The following TAFA4 variants were observed in gnomAD, a reference collection of about 807,000 sequenced individuals.
The protein encoded by TAFA4 is TAFA chemokine like family member 4.
TAFA4 carries 20 observed loss-of-function variants against 21.1 expected under a neutral mutation model. That is an observed-to-expected ratio of 0.95 (90% CI 0.67 to 1.38). The LOEUF (loss-of-function observed/expected upper bound fraction) is 1.38, where lower values mean the gene tolerates loss of function less well. Ranked by LOEUF, TAFA4 falls within the 40% of genes most tolerant of loss-of-function variation. TAFA4 has a pLI of 0.00. For missense variants in TAFA4, 211 were observed against 180.9 expected, an observed-to-expected ratio of 1.17 and a Z score of -0.95; for synonymous variants, 71 against 67.4, an observed-to-expected ratio of 1.05 and a Z score of -0.26.
intron 3 of TAFA4, among the ~76,000 whole-genome samples, chr3:68,825,192 T>C (rs553375232): frequency 1.3e-5 from 2 of 152,318 alleles, no homozygotes; most frequent in East Asian, 3.9e-4. Flanking sequence ...CTTCTCATTG[T>C]TCATCTCCCA....
At chr3:68,743,452 T>G (rs899246668) in intron 4 of TAFA4, among the ~76,000 whole-genome samples, 1 of 151,854 alleles carries the variant, frequency 6.6e-6, no homozygotes, top group Non-Finnish European at 1.5e-5. Flanking sequence ...GGTGTGCACC[T>G]GTAGTTCCAG....
At chr3:68,830,701 G>A (rs1168510024) in intron 3 of TAFA4, among the ~76,000 whole-genome samples, 1 of 152,176 alleles carries the variant, frequency 6.6e-6, no homozygotes, top group Admixed American at 6.5e-5. Flanking sequence ...AGGTCTACTA[G>A]GTCCACTTCG....
chr3:68,775,213 A>C (rs539390726), intron 3 of TAFA4, among the ~76,000 whole-genome samples: 8 of 152,070 alleles, frequency 5.3e-5, no homozygotes, highest in Non-Finnish European at 8.8e-5. Context: ...ATTTGTACTC[A>C]CTCTTTTCCA....
In TAFA4 at chr3:68,880,729, C is replaced by A. The variant is rs1263434879; in HGVS notation, c.130+1G>T. 6.2e-7 allele frequency: 1 copy of A among 1,613,596 alleles called. No homozygotes were observed. Among genetic ancestry groups the A allele is most frequent in the Non-Finnish European group, 8.5e-7 (1 of 1,179,714 alleles). On this transcript the variant is annotated splice_donor_variant, in intron 3 of 5. Coordinates refer to ENST00000295569, the MANE Select transcript of TAFA4 (RefSeq NM_182522.5). LOFTEE classifies it high-confidence loss of function. Reference sequence around the variant, plus strand: ...GTGCATAATGAGCTTAAAGGGCTTACCTGCATGTCCCCGGAGGTGCTGGCT... The same window carrying A: ...GTGCATAATGAGCTTAAAGGGCTTAACTGCATGTCCCCGGAGGTGCTGGCT...
chr3:68,839,294 G>C (rs1286101276), intron 3 of TAFA4, among the ~76,000 whole-genome samples: 1 of 152,152 alleles, frequency 6.6e-6, no homozygotes, highest in African/African-American at 2.4e-5. Flanking sequence ...TTTAAGCAAA[G>C]ACCTGAATGA....
At chr3:68,738,089 C>A (rs1702276175) in intron 5 of TAFA4, among the ~76,000 whole-genome samples, 1 of 151,950 alleles carries the variant, frequency 6.6e-6, no homozygotes, top group African/African-American at 2.4e-5. Flanking sequence ...TAAAATGTAA[C>A]CATAATAAAT....
At chr3:68,754,399 C>G (rs1317653097) in intron 3 of TAFA4, among the ~76,000 whole-genome samples, 2 of 152,172 alleles carry the variant, frequency 1.3e-5, no homozygotes, top group African/African-American at 4.8e-5. Flanking sequence ...TGACATTTTT[C>G]AAGAGTTACA....
chr3:68,789,026 G>C (rs1382934635), intron 3 of TAFA4, among the ~76,000 whole-genome samples: 1 of 152,082 alleles, frequency 6.6e-6, no homozygotes, highest in East Asian at 1.9e-4. Context: ...GAGGTCAGGA[G>C]ACCAAGGCCA....
intron 4 of TAFA4, among the ~76,000 whole-genome samples, chr3:68,748,552 C>G (rs1023887477): frequency 2.0e-5 from 3 of 152,106 alleles, no homozygotes; most frequent in Admixed American, 2.0e-4. Context: ...ACCATCCTGG[C>G]TAACATGGGG....
intron 3 of TAFA4, among the ~76,000 whole-genome samples, chr3:68,755,041 C>T (rs1163335139): frequency 2.0e-5 from 3 of 152,212 alleles, no homozygotes; most frequent in African/African-American, 7.2e-5. Flanking sequence ...TTACTCATCA[C>T]AACTAGGGAG....
At chr3:68,864,616 A>G (rs566485778) in intron 3 of TAFA4, among the ~76,000 whole-genome samples, 4 of 152,264 alleles carry the variant, frequency 2.6e-5, no homozygotes, top group South Asian at 4.1e-4. Context: ...AAATGAAACC[A>G]TATGTCTGTG....
At position 68,821,439 on chromosome 3, in the gene TAFA4, TG is replaced by T. The variant is rs1379148645; in HGVS notation, c.130+59290del. On this transcript the variant is annotated intron_variant, in intron 3 of 5. Transcript: ENST00000295569. ...TCGGCTCACTGCAGGCTCCACCCCC[TG>T]GGGTTCACGCCATTCTCCTGCCTCA... Among the ~76,000 whole-genome samples, 2 of 27,010 alleles carry T rather than the reference TG, an allele frequency of 7.4e-5. 1 individual carries two copies. The highest frequency in any genetic ancestry group is 1.3e-4 in the Non-Finnish European group (2 of 15,754). The allele number at this position is 27,010 out of a possible 152,430, so 17.7% of individuals were successfully genotyped here.
chr3:68,803,095 G>A (rs893988815), intron 3 of TAFA4, among the ~76,000 whole-genome samples: 6 of 151,872 alleles, frequency 4.0e-5, no homozygotes, highest in East Asian at 1.9e-4. Flanking sequence ...AATGTCCTTC[G>A]TTGCCAAATT....
At chr3:68,781,758 T>C (rs1703158193) in intron 3 of TAFA4, among the ~76,000 whole-genome samples, 1 of 152,130 alleles carries the variant, frequency 6.6e-6, no homozygotes, top group Non-Finnish European at 1.5e-5. Flanking sequence ...ACTACCTCAT[T>C]TTATGTGGCC....
chr3:68,890,042 T>C (rs992286891), intron 1 of TAFA4, among the ~76,000 whole-genome samples: 4 of 152,198 alleles, frequency 2.6e-5, no homozygotes, highest in East Asian at 1.9e-4. Flanking sequence ...TTGATCCTCA[T>C]ACTGTAGTTA....
At chr3:68,895,799 G>A (rs954227281) in intron 1 of TAFA4, among the ~76,000 whole-genome samples, 1 of 152,190 alleles carries the variant, frequency 6.6e-6, no homozygotes, top group Non-Finnish European at 1.5e-5. Flanking sequence ...ATTATAGCAT[G>A]TGGAGACAAA....
intron 3 of TAFA4, among the ~76,000 whole-genome samples, chr3:68,759,173 G>C (rs1403344460): frequency 2.0e-5 from 3 of 152,216 alleles, no homozygotes; most frequent in Non-Finnish European, 4.4e-5. Flanking sequence ...CTCTTACTCA[G>C]GGGTAGAGCA....
chr3:68,807,899 C>A (rs1463473194), intron 3 of TAFA4, among the ~76,000 whole-genome samples: 1 of 152,256 alleles, frequency 6.6e-6, no homozygotes, highest in African/African-American at 2.4e-5. Context: ...AACAATATGT[C>A]CTCTGGTGTT....
chr3:68,752,663 G>A (rs1702577938), intron 4 of TAFA4, among the ~76,000 whole-genome samples, 200 bp downstream of exon 4: 2 of 152,104 alleles, frequency 1.3e-5, no homozygotes, highest in South Asian at 4.2e-4. Flanking sequence ...CTCCCCATTG[G>A]TACCCCTTGT....
Sources: allele counts gnomAD v4.1 joint callset (sites outside exome capture counted in the v4.1 genomes callset), GRCh38; gene constraint gnomAD v4.1.1; transcripts MANE v1.5; gene names NCBI Gene and HGNC (gene_info 2026-07-23, HGNC 2026-07-21).